The following ANKS1A variants were observed in gnomAD, a reference collection of about 807,000 sequenced individuals.
The protein encoded by ANKS1A is ankyrin repeat and SAM domain-containing protein 1A.
A neutral mutation model predicts 120.3 loss-of-function variants in ANKS1A; 55 were observed. That is an observed-to-expected ratio of 0.46 (90% CI 0.37 to 0.57). The LOEUF is 0.57. Ranked by LOEUF, ANKS1A falls within the 20% of genes least tolerant of loss-of-function variation. The probability of loss-of-function intolerance (pLI) is 0.00; values close to 1 mark genes in which losing one functional copy is unlikely to be tolerated. For synonymous variants in ANKS1A, 590 were observed against 604.7 expected, an observed-to-expected ratio of 0.98 and a Z score of 0.36; for missense variants, 1,123 against 1,480.3, an observed-to-expected ratio of 0.76 and a Z score of 3.96.
intron 11 of ANKS1A, among the ~76,000 whole-genome samples, chr6:35,031,231 G>A (rs1034396171): frequency 1.3e-5 from 2 of 152,094 alleles, no homozygotes; most frequent in African/African-American, 2.4e-5. Flanking sequence ...TCCCTGTTGT[G>A]CTCTTTTGGC....
chr6:34,987,797 G>A (rs1320143019), intron 8 of ANKS1A, among the ~76,000 whole-genome samples: 1 of 152,204 alleles, frequency 6.6e-6, no homozygotes, highest in Non-Finnish European at 1.5e-5. Context: ...TTGAGCTCTC[G>A]CGTAACTCAG....
At chr6:35,005,700 G>A in intron 10 of ANKS1A, 1 of 438,944 alleles carries the variant, frequency 2.3e-6, no homozygotes, top group Non-Finnish European at 4.5e-6. Context: ...TTTTTTTAAA[G>A]ATTTCTGACA....
downstream of ANKS1A, among the ~76,000 whole-genome samples, chr6:35,093,563 G>A (rs1778373312): frequency 2.0e-5 from 3 of 152,032 alleles, no homozygotes; most frequent in South Asian, 6.2e-4. Flanking sequence ...AAGAAACAAT[G>A]GAAAACTAAC....
At chr6:35,018,169 T>C in intron 11 of ANKS1A, 110 bp downstream of exon 11, 2 of 1,098,878 alleles carry the variant, frequency 1.8e-6, no homozygotes, top group Non-Finnish European at 2.6e-6. Flanking sequence ...AAGGTTGCTC[T>C]GGTTCCTTCA....
rs1399622416 is a variant in ANKS1A at position 34,889,452 on chromosome 6, C to G, written c.50C>G (p.Pro17Arg). Residue 17 changes from proline (P) to arginine (R), a missense_variant, in exon 1 of 24, where the codon CCG becomes CGG. Coordinates refer to ENST00000360359, the MANE Select transcript of ANKS1A (RefSeq NM_015245.3). The surrounding 1 kb of genome is among the most constrained non-coding windows in gnomAD (Gnocchi z 5.5). Reference protein sequence around the residue: ...LLEAARTGHLPAVEKLLSGKR... With the variant: ...LLEAARTGHLRAVEKLLSGKR... ...GAGGCGGCCCGCACCGGGCACCTCC[C>G]GGCGGTGGAGAAGCTGCTGTCCGGG... is the stretch of plus-strand genomic sequence containing the variant. 1 of 1,287,598 alleles carries G rather than the reference C, an allele frequency of 7.8e-7. No homozygotes were observed. The highest frequency in any genetic ancestry group is 9.8e-7 in the Non-Finnish European group (1 of 1,021,612). 79.8% of individuals were successfully genotyped at this position (1,287,598 alleles called of 1,614,324 possible). A position where few individuals can be genotyped will look rare whatever the true frequency, so the allele number is the denominator to read the frequency against.
chr6:34,991,675 TATATATAC>T (rs1349633634), intron 9 of ANKS1A, among the ~76,000 whole-genome samples: 11 of 111,042 alleles, frequency 9.9e-5, no homozygotes, highest in Non-Finnish European at 1.8e-4. Context: ...TATATACACA[TATATATAC>T]ATATATACAC....
chr6:34,906,765 T>A (rs901658327), intron 1 of ANKS1A, among the ~76,000 whole-genome samples: 2 of 152,368 alleles, frequency 1.3e-5, no homozygotes, highest in South Asian at 4.1e-4. Flanking sequence ...TATTAATTCC[T>A]ATGGCAGCTT....
chr6:34,910,694 C>G (rs972632841), intron 1 of ANKS1A, among the ~76,000 whole-genome samples: 1 of 151,896 alleles, frequency 6.6e-6, no homozygotes, highest in Non-Finnish European at 1.5e-5. Flanking sequence ...AACCTCGTCT[C>G]TACTAAAAAT....
intron 13 of ANKS1A, among the ~76,000 whole-genome samples, chr6:35,074,338 C>T (rs944184009): frequency 6.6e-6 from 1 of 152,146 alleles, no homozygotes; most frequent in Non-Finnish European, 1.5e-5. Context: ...GTGGTGCACA[C>T]CTGTAATCCC....
chr6:34,907,543 A>G (rs1421085819), intron 1 of ANKS1A, among the ~76,000 whole-genome samples: 1 of 152,204 alleles, frequency 6.6e-6, no homozygotes, highest in Non-Finnish European at 1.5e-5. Context: ...TCTGCATGTA[A>G]GTGGACCCAA....
chr6:34,902,897 CTTTAACATATG>C, intron 1 of ANKS1A, among the ~76,000 whole-genome samples: 1 of 151,076 alleles, frequency 6.6e-6, no homozygotes, highest in Non-Finnish European at 1.5e-5. Flanking sequence ...TTACCTTTCT[CTTTAACATATG>C]TTCTTTTGTA....
intron 8 of ANKS1A, among the ~76,000 whole-genome samples, chr6:34,986,873 C>T (rs1335455044): frequency 3.3e-5 from 5 of 152,218 alleles, no homozygotes; most frequent in East Asian, 3.8e-4. Context: ...TTAGGCACAA[C>T]GGAATTAAGC....
chr6:34,991,337 G>C (rs1379505518), intron 9 of ANKS1A, among the ~76,000 whole-genome samples: 1 of 149,868 alleles, frequency 6.7e-6, no homozygotes, highest in African/African-American at 2.5e-5. Context: ...GGGGCTGCCA[G>C]CTGCATCAGG....
intron 1 of ANKS1A, among the ~76,000 whole-genome samples, chr6:34,954,303 A>G (rs1298971014): frequency 1.3e-5 from 2 of 152,304 alleles, no homozygotes; most frequent in East Asian, 1.9e-4. Context: ...CAAATGTACA[A>G]GGAGGTTTCA....
At chr6:35,063,018 C>G (rs1561948762) in intron 13 of ANKS1A, among the ~76,000 whole-genome samples, 1 of 152,176 alleles carries the variant, frequency 6.6e-6, no homozygotes, top group African/African-American at 2.4e-5. Context: ...TCTTATTCTC[C>G]TCTTGTGATG....
intron 11 of ANKS1A, among the ~76,000 whole-genome samples, chr6:35,025,371 A>C (rs977453917): frequency 6.6e-6 from 1 of 151,810 alleles, no homozygotes; most frequent in African/African-American, 2.4e-5. Flanking sequence ...CGGTGTTGTG[A>C]ATGAGCGGGA....
At chr6:34,931,932 G>A (rs979728329) in intron 1 of ANKS1A, among the ~76,000 whole-genome samples, 7 of 152,224 alleles carry the variant, frequency 4.6e-5, no homozygotes, top group African/African-American at 9.6e-5. Context: ...AATTTAATGA[G>A]CATATATTAC....
Position 34,950,609 on chromosome 6 carries a change from A to G in ANKS1A, c.198-16630A>G, listed in dbSNP as rs1003309040. On this transcript the variant is annotated intron_variant, in intron 1 of 23. Transcript: ENST00000360359. ...CCAAATATGACAAGGGCAAGTGGGGATTGATAGCCAAGGAGCAAGGTGAAG... is the reference window on the plus strand; with the variant it reads ...CCAAATATGACAAGGGCAAGTGGGGGTTGATAGCCAAGGAGCAAGGTGAAG... 2.6e-5 allele frequency among the ~76,000 whole-genome samples: 4 copies of G among 152,128 alleles called. No individual in the cohort carries two copies. In the South Asian group the frequency reaches 8.3e-4, roughly 32 times the overall value.
intron 11 of ANKS1A, among the ~76,000 whole-genome samples, chr6:35,032,117 T>C (rs1045820852): frequency 1.1e-4 from 16 of 152,174 alleles, no homozygotes; most frequent in Admixed American, 6.5e-4. Flanking sequence ...ATTAAGCAAG[T>C]ACAAATAAAA....
Sources: allele counts gnomAD v4.1 joint callset (sites outside exome capture counted in the v4.1 genomes callset), GRCh38; gene constraint gnomAD v4.1.1; non-coding constraint Gnocchi (gnomAD v3.1); transcripts MANE v1.5; gene names NCBI Gene and HGNC (gene_info 2026-07-23, HGNC 2026-07-21).